The following MTHFD1L variants were observed in gnomAD, a reference collection of about 807,000 sequenced individuals.
The protein encoded by MTHFD1L is methylenetetrahydrofolate dehydrogenase (NADP+ dependent) 1 like.
Under a neutral mutation model 119.5 loss-of-function variants are expected in MTHFD1L, and 81 were observed. That is an observed-to-expected ratio of 0.68 (90% CI 0.57 to 0.82). MTHFD1L has a LOEUF of 0.82. Among genes scored for constraint, MTHFD1L ranks in the 40% least tolerant of loss-of-function variants. The probability of loss-of-function intolerance (pLI) is 0.00; values close to 1 mark genes in which losing one functional copy is unlikely to be tolerated. For missense variants in MTHFD1L, 1,125 were observed against 1,253.4 expected, an observed-to-expected ratio of 0.90 and a Z score of 1.55; for synonymous variants, 430 against 475.2, an observed-to-expected ratio of 0.90 and a Z score of 1.24.
Position 150,926,440 on chromosome 6 carries a change from G to A in MTHFD1L, c.1256+145G>A, listed in dbSNP as rs1790001362. ...TTCATTTGGCATTTCTTTATTTGGTGTGAGATAAGTTTTTATTTTCAGTGC... is the reference window on the plus strand; with the variant it reads ...TTCATTTGGCATTTCTTTATTTGGTATGAGATAAGTTTTTATTTTCAGTGC... On this transcript the variant is annotated intron_variant, in intron 11 of 27. Coordinates refer to ENST00000367321, the MANE Select transcript of MTHFD1L (RefSeq NM_015440.5). The surrounding 1 kb of genome is among the most constrained non-coding windows in gnomAD (Gnocchi z 4.3). The A allele has an allele frequency of 1.2e-6, 1 of 807,382 alleles. No homozygotes were observed. Among genetic ancestry groups the A allele is most frequent in the Non-Finnish European group, 1.9e-6 (1 of 540,008 alleles). The allele number at this position is 807,382 out of a possible 1,614,324, so 50.0% of individuals were successfully genotyped here.
intron 26 of MTHFD1L, among the ~76,000 whole-genome samples, chr6:151,079,477 G>A (rs775618641): frequency 6.6e-5 from 10 of 152,014 alleles, no homozygotes; most frequent in Non-Finnish European, 1.3e-4. Context: ...TTTGTTTTGA[G>A]ATGGAGTTTC....
At chr6:151,081,655 G>C (rs1024436163) in intron 26 of MTHFD1L, among the ~76,000 whole-genome samples, 2 of 152,156 alleles carry the variant, frequency 1.3e-5, no homozygotes, top group Admixed American at 6.5e-5. Flanking sequence ...CTGGGTGACA[G>C]AGACTGTCTC....
chr6:151,066,744 A>C (rs1414811053), intron 26 of MTHFD1L, among the ~76,000 whole-genome samples: 1 of 151,350 alleles, frequency 6.6e-6, no homozygotes, highest in African/African-American at 2.4e-5. Context: ...CAGCCTGGGC[A>C]ATAGAGCAAA....
At chr6:150,866,599 T>G (rs1778380803) in intron 1 of MTHFD1L, 1 of 1,218,072 alleles carries the variant, frequency 8.2e-7, no homozygotes, top group Admixed American at 4.3e-5. Flanking sequence ...TGGGCTGGGG[T>G]CTGTGGCTGA....
At chr6:151,073,411 A>G (rs1487521043) in intron 26 of MTHFD1L, among the ~76,000 whole-genome samples, 1 of 152,240 alleles carries the variant, frequency 6.6e-6, no homozygotes, top group East Asian at 1.9e-4. Flanking sequence ...GGCACTGGTT[A>G]GAATACTAAG....
At chr6:150,894,716 G>T (rs1414594217) in intron 7 of MTHFD1L, among the ~76,000 whole-genome samples, 1 of 152,130 alleles carries the variant, frequency 6.6e-6, no homozygotes, top group Non-Finnish European at 1.5e-5. Flanking sequence ...GTTACAAATA[G>T]AAATCGATCC....
At chr6:150,982,228 TAAAA>T (rs879460946) in intron 20 of MTHFD1L, among the ~76,000 whole-genome samples, 1 of 146,152 alleles carries the variant, frequency 6.8e-6, no homozygotes, top group Non-Finnish European at 1.5e-5. Context: ...ATTTAACATG[TAAAA>T]AAAAAAAGAT....
Position 150,926,422 on chromosome 6 carries a change from G to A in MTHFD1L, c.1256+127G>A. 1 of 919,650 alleles carries A rather than the reference G, an allele frequency of 1.1e-6. No homozygotes were observed. The highest frequency in any genetic ancestry group is 2.0e-5 in the South Asian group (1 of 48,964). 57.0% of individuals were successfully genotyped at this position (919,650 alleles called of 1,614,324 possible). A position where few individuals can be genotyped will look rare whatever the true frequency, so the allele number is the denominator to read the frequency against. On this transcript the variant is annotated intron_variant, in intron 11 of 27. Transcript: ENST00000367321. The surrounding 1 kb of genome is among the most constrained non-coding windows in gnomAD (Gnocchi z 4.3). Reference sequence around the variant, plus strand: ...ATTTGACATTTCGTCCATTTCATTTGGCATTTCTTTATTTGGTGTGAGATA... The same window carrying A: ...ATTTGACATTTCGTCCATTTCATTTAGCATTTCTTTATTTGGTGTGAGATA...
At chr6:150,895,270 T>A (rs1784031105) in intron 7 of MTHFD1L, among the ~76,000 whole-genome samples, 1 of 152,118 alleles carries the variant, frequency 6.6e-6, no homozygotes, top group African/African-American at 2.4e-5. Flanking sequence ...GTGGGTGTGG[T>A]TTTGCATTTG....
At chr6:150,867,690 A>G (rs898094111) in intron 1 of MTHFD1L, among the ~76,000 whole-genome samples, 12 of 152,164 alleles carry the variant, frequency 7.9e-5, no homozygotes, top group African/African-American at 2.6e-4. Context: ...GCTATATCCT[A>G]GGTCCTGGAG....
At chr6:150,925,548 GT>G (rs1789798569) in intron 10 of MTHFD1L, among the ~76,000 whole-genome samples, 1 of 152,158 alleles carries the variant, frequency 6.6e-6, no homozygotes. Flanking sequence ...CGACAGTTAT[GT>G]AATTAATAAA....
intron 24 of MTHFD1L, among the ~76,000 whole-genome samples, chr6:151,027,509 A>G (rs1269519929): frequency 1.3e-5 from 2 of 152,218 alleles, no homozygotes; most frequent in Admixed American, 1.3e-4. Context: ...GAAAGCCAGC[A>G]ATGATTAATG....
At chr6:151,095,510 C>T (rs1191436876) in intron 27 of MTHFD1L, among the ~76,000 whole-genome samples, 1 of 152,228 alleles carries the variant, frequency 6.6e-6, no homozygotes, top group African/African-American at 2.4e-5. Flanking sequence ...ATACCTTAAT[C>T]ACTGTAGTTA....
intron 1 of MTHFD1L, among the ~76,000 whole-genome samples, chr6:150,870,973 A>T (rs1373829492): frequency 6.9e-6 from 1 of 145,576 alleles, no homozygotes; most frequent in Non-Finnish European, 1.5e-5. Flanking sequence ...TATATATATA[A>T]AATATATATA....
rs150192828 is a variant in MTHFD1L at position 151,074,552 on chromosome 6, A to G, written c.2848-17915A>G. Reference sequence around the variant, plus strand: ...TAACTATATGTGGTGTGGTAGTATAATTATATGTGAAGGTAGACTGTGCAA... The same window carrying G: ...TAACTATATGTGGTGTGGTAGTATAGTTATATGTGAAGGTAGACTGTGCAA... On this transcript the variant is annotated intron_variant, in intron 26 of 27. Coordinates refer to ENST00000367321, the MANE Select transcript of MTHFD1L (RefSeq NM_015440.5). 8.7e-4 allele frequency among the ~76,000 whole-genome samples: 133 copies of G among 152,340 alleles called. 1 individual carries two copies. The highest frequency in any genetic ancestry group is 3.1e-3 in the African/African-American group (129 of 41,582).
chr6:150,959,362 A>G (rs1796103388), intron 17 of MTHFD1L: 1 of 225,380 alleles, frequency 4.4e-6, no homozygotes, highest in Non-Finnish European at 7.4e-6. Context: ...GAAGAAGAGA[A>G]TTAAGCTGGG....
rs1279959660 is a variant in MTHFD1L at position 150,938,710 on chromosome 6, G to A, written c.1405G>A (p.Gly469Ser). ...PTFGVKGGAA[G>S]GGYAQVIPME... ...GCTCTGTTGTTTAGGAGGAGCCGCG[G>A]GTGGTGGATATGCCCAGGTCATCCC... The change falls in exon 13 of 28, where the codon GGT becomes AGT. Residue 469 changes from glycine (G) to serine (S), a missense_variant. Transcript: ENST00000367321. 6.2e-7 allele frequency: 1 copy of A among 1,610,900 alleles called. No homozygotes were observed. The highest frequency in any genetic ancestry group is 1.7e-5 in the Admixed American group (1 of 59,582).
At chr6:150,954,031 G>A (rs542045233) in intron 16 of MTHFD1L, among the ~76,000 whole-genome samples, 13 of 152,306 alleles carry the variant, frequency 8.5e-5, no homozygotes, top group South Asian at 2.1e-4. Flanking sequence ...GGGTGTGAGT[G>A]TGTCTGAGAG....
chr6:151,034,669 G>C, intron 25 of MTHFD1L, 69 bp downstream of exon 25: 1 of 1,007,222 alleles, frequency 9.9e-7, no homozygotes, highest in Non-Finnish European at 1.6e-6. Context: ...AGCTTGACTT[G>C]AGGATTTGTA....
Sources: gnomAD v4.1 joint callset for allele counts (sites outside exome capture counted in the v4.1 genomes callset) on GRCh38, gnomAD v4.1.1 for gene constraint, Gnocchi (gnomAD v3.1) non-coding constraint, MANE v1.5 for transcripts, NCBI Gene and HGNC (gene_info 2026-07-23, HGNC 2026-07-21) for gene names.